MTMR7: variants seen among roughly 807,000 people sequenced by gnomAD.
MTMR7 encodes phosphatidylinositol-3-phosphate phosphatase MTMR7.
A neutral mutation model predicts 81.2 loss-of-function variants in MTMR7; 76 were observed. That is an observed-to-expected ratio of 0.94 (90% CI 0.78 to 1.13). The LOEUF is 1.13. Ranked by LOEUF, MTMR7 falls within the 50% of genes most tolerant of loss-of-function variation. The pLI, the probability that MTMR7 is intolerant of heterozygous loss-of-function variation, is 0.00. For synonymous variants in MTMR7, 372 were observed against 289.8 expected (o/e 1.28, Z -2.88); for missense variants, 1,044 against 820.0 (o/e 1.27, Z -3.34).
chr8:17,378,487 C>A (rs1198564316), intron 1 of MTMR7, among the ~76,000 whole-genome samples: 2 of 152,136 alleles, frequency 1.3e-5, no homozygotes, highest in African/African-American at 4.8e-5. Context: ...TTAATTCTGT[C>A]TCATCTATAC....
intron 2 of MTMR7, among the ~76,000 whole-genome samples, chr8:17,372,219 T>G (rs766131807): frequency 8.5e-5 from 13 of 152,192 alleles, no homozygotes; most frequent in South Asian, 2.1e-4. Flanking sequence ...CTGCTAAAAA[T>G]GTACCACTGT....
chr8:17,357,242 G>C (rs1247995024), intron 4 of MTMR7, among the ~76,000 whole-genome samples: 1 of 152,130 alleles, frequency 6.6e-6, no homozygotes, highest in Non-Finnish European at 1.5e-5. Context: ...TTCTCCATTT[G>C]TAAAGTAGAA....
intron 4 of MTMR7, among the ~76,000 whole-genome samples, chr8:17,351,059 C>G (rs1349986707): frequency 1.3e-5 from 2 of 152,184 alleles, no homozygotes; most frequent in African/African-American, 2.4e-5. Context: ...AGCTAGAAGA[C>G]TATGACGTGG....
At position 17,302,292 on chromosome 8, in the gene MTMR7, G is replaced by A. The variant is rs771383412; in HGVS notation, c.1494-12C>T. 19 of 1,611,734 alleles carry A rather than the reference G, an allele frequency of 1.2e-5. No individual in the cohort carries two copies. Among genetic ancestry groups the A allele is most frequent in the East Asian group, 4.5e-5 (2 of 44,858 alleles). ...TTCCACTCCAAAACCTGGAAAGGATGGCAAAGCGTCGTGATACCACCTTAT... is the reference window on the plus strand; with the variant it reads ...TTCCACTCCAAAACCTGGAAAGGATAGCAAAGCGTCGTGATACCACCTTAT... On this transcript the variant is annotated splice_polypyrimidine_tract_variant and intron_variant, in intron 12 of 13. Transcript: ENST00000180173.
chr8:17,361,123 G>T lies in MTMR7; in HGVS notation c.462C>A (p.Asp154Glu). The part of the protein sequence containing the change: ...HYWQLSDVNR[D>E]YRVCDSYPTE... ...TTGGGTTTCACGCACTCACTCTGTA[G>T]TCTCTATTCACATCGCTGAGCTGCC... The change falls in exon 4 of 14, where the codon GAC (aspartate) becomes GAA (glutamate). Residue 154 changes from aspartate (D) to glutamate (E), a missense_variant. By Grantham distance (45) the Asp-to-Glu change is conservative (BLOSUM62 2). Transcript: ENST00000180173. The T allele has an allele frequency of 1.2e-6, 2 of 1,614,112 alleles. No individual in the cohort carries two copies. The highest frequency in any genetic ancestry group is 1.7e-6 in the Non-Finnish European group (2 of 1,180,018).
rs920472100 is a variant in MTMR7 at position 17,298,575 on chromosome 8, G to C, written c.*1287C>G. 13 of 152,250 alleles carry C rather than the reference G, an allele frequency of 8.5e-5. No homozygotes were observed. Among genetic ancestry groups the C allele is most frequent in the African/African-American group, 3.1e-4 (13 of 41,324 alleles). The allele number at this position is 152,250 out of a possible 1,614,324, so 9.4% of individuals were successfully genotyped here. A position where few individuals can be genotyped will look rare whatever the true frequency, so the allele number is the denominator to read the frequency against. On this transcript the variant is annotated 3_prime_UTR_variant, in exon 14 of 14. Transcript: ENST00000180173. ...AAAATCAGATATTCAAAATATTGAT[G>C]TAAATTGTAAAGTTTAAATTAATCC...
chr8:17,303,235 CCAACTGGTCATATCTCAA>C (rs1431898747), intron 12 of MTMR7, among the ~76,000 whole-genome samples: 3 of 152,124 alleles, frequency 2.0e-5, no homozygotes, highest in Non-Finnish European at 4.4e-5. Context: ...TAGTTGCAAT[CCAACTGGTCATATCTCAA>C]CAGCTCTTAA....
intron 3 of MTMR7, among the ~76,000 whole-genome samples, chr8:17,361,753 A>T (rs745693272): frequency 2.0e-5 from 3 of 152,242 alleles, no homozygotes; most frequent in Admixed American, 6.5e-5. Context: ...AAAATAATAA[A>T]GTTGAAAAAA....
At chr8:17,323,805 T>A (rs1042893279) in intron 7 of MTMR7, among the ~76,000 whole-genome samples, 1 of 152,156 alleles carries the variant, frequency 6.6e-6, no homozygotes. Context: ...ATCACTAACA[T>A]TAGCCACAAC....
chr8:17,315,322 G>T (rs1230380697), intron 7 of MTMR7, among the ~76,000 whole-genome samples: 3 of 152,136 alleles, frequency 2.0e-5, no homozygotes, highest in African/African-American at 7.2e-5. Flanking sequence ...AAAATCAGCG[G>T]CTGCCAGGGG....
intron 5 of MTMR7, among the ~76,000 whole-genome samples, chr8:17,346,777 C>T (rs1819563819): frequency 6.9e-6 from 1 of 145,486 alleles, no homozygotes; most frequent in Non-Finnish European, 1.5e-5. Flanking sequence ...CATCTTCTCT[C>T]TTCTTTAATC....
chr8:17,303,074 T>C lies in MTMR7; in HGVS notation c.1494-794A>G, dbSNP rs138252662. Among the ~76,000 whole-genome samples the C allele has an allele frequency of 8.5e-4, 129 of 152,216 alleles. 1 individual carries two copies. Among genetic ancestry groups the C allele is most frequent in the African/African-American group, 2.7e-3 (114 of 41,528 alleles). On this transcript the variant is annotated intron_variant, in intron 12 of 13. Transcript: ENST00000180173. Reference sequence around the variant, plus strand: ...AGTGCAAATGAGAAAAATGGTGTTATCACAGAGTTACCCTTAGAACCACTA... The same window carrying C: ...AGTGCAAATGAGAAAAATGGTGTTACCACAGAGTTACCCTTAGAACCACTA...
At chr8:17,351,917 C>A (rs1819741433) in intron 4 of MTMR7, among the ~76,000 whole-genome samples, 1 of 152,148 alleles carries the variant, frequency 6.6e-6, no homozygotes, top group African/African-American at 2.4e-5. Flanking sequence ...AACAATCCTA[C>A]CTTGAAAATA....
At chr8:17,301,300 G>A (rs1817093795) in intron 13 of MTMR7, among the ~76,000 whole-genome samples, 1 of 152,154 alleles carries the variant, frequency 6.6e-6, no homozygotes, top group South Asian at 2.1e-4. Context: ...GAAGTGGTAA[G>A]GTTAGAAGGA....
chr8:17,331,480 T>A (rs531571137), intron 6 of MTMR7, among the ~76,000 whole-genome samples, 198 bp from the exon 7 acceptor site: 2 of 152,334 alleles, frequency 1.3e-5, no homozygotes, highest in South Asian at 4.1e-4. Context: ...TTCAACAGCA[T>A]GAATTTGTCA....
intron 1 of MTMR7, among the ~76,000 whole-genome samples, chr8:17,404,367 C>T (rs933120829): frequency 7.9e-5 from 12 of 151,790 alleles, no homozygotes; most frequent in South Asian, 2.1e-4. Flanking sequence ...GGGTGTGAAG[C>T]GAGAGGGAAT....
At chr8:17,403,334 G>A (rs1356062025) in intron 1 of MTMR7, among the ~76,000 whole-genome samples, 1 of 152,156 alleles carries the variant, frequency 6.6e-6, no homozygotes, top group Non-Finnish European at 1.5e-5. Context: ...TGAAGAGACT[G>A]TCTTTTTCCC....
chr8:17,389,915 A>G (rs989276698), intron 1 of MTMR7, among the ~76,000 whole-genome samples: 6 of 152,156 alleles, frequency 3.9e-5, no homozygotes, highest in Middle Eastern at 3.2e-3. Flanking sequence ...TCCTTTATCC[A>G]TTCATACAAC....
intron 2 of MTMR7, among the ~76,000 whole-genome samples, chr8:17,372,176 G>C (rs12680341): frequency 0.06 from 9,110 of 152,168 alleles, 781 homozygotes; most frequent in East Asian, 0.31. Flanking sequence ...TAATCTTTAA[G>C]TTTCCCCTCC....
Sources: allele counts gnomAD v4.1 joint callset (sites outside exome capture counted in the v4.1 genomes callset), GRCh38; gene constraint gnomAD v4.1.1; transcripts MANE v1.5; gene names NCBI Gene and HGNC (gene_info 2026-07-23, HGNC 2026-07-21).